Variants in CERS6 observed in about 807,000 individuals in gnomAD.
The protein encoded by CERS6 is LAG1 homolog, ceramide synthase 6.
A neutral mutation model predicts 56.8 loss-of-function variants in CERS6; 26 were observed. The ratio of observed to expected loss-of-function variants is 0.46; its 90% confidence interval spans 0.34 to 0.63. The LOEUF (loss-of-function observed/expected upper bound fraction) is 0.63. Ranked by LOEUF, CERS6 falls within the 30% of genes least tolerant of loss-of-function variation. The probability of loss-of-function intolerance (pLI) is 0.01; values close to 1 mark genes in which losing one functional copy is unlikely to be tolerated. For missense variants in CERS6, 415 were observed against 467.5 expected (o/e 0.89, Z 1.04); for synonymous variants, 164 against 173.3 (o/e 0.95, Z 0.42).
intron 1 of CERS6, among the ~76,000 whole-genome samples, chr2:168,501,218 C>A (rs1450753455): frequency 6.6e-6 from 1 of 152,116 alleles, no homozygotes; most frequent in Non-Finnish European, 1.5e-5. Context: ...GCATCAATAT[C>A]CATGATTCAG....
At chr2:168,507,142 T>A (rs1694692972) in intron 1 of CERS6, among the ~76,000 whole-genome samples, 1 of 152,192 alleles carries the variant, frequency 6.6e-6, no homozygotes, top group Admixed American at 6.5e-5. Context: ...AGTGCTTCAG[T>A]ATGCTTTTTT....
intron 3 of CERS6, among the ~76,000 whole-genome samples, chr2:168,596,158 G>A (rs916408400): frequency 6.6e-6 from 1 of 152,008 alleles, no homozygotes; most frequent in Non-Finnish European, 1.5e-5. Flanking sequence ...AAATGTTTAT[G>A]CATCTGGCTA....
intron 4 of CERS6, among the ~76,000 whole-genome samples, chr2:168,680,951 A>G (rs1018860519): frequency 6.6e-6 from 1 of 152,226 alleles, no homozygotes; most frequent in Non-Finnish European, 1.5e-5. Context: ...CTGCTGTAGC[A>G]TGTAATGTAA....
At chr2:168,740,568 A>G (rs1183747765) in intron 8 of CERS6, among the ~76,000 whole-genome samples, 1 of 152,164 alleles carries the variant, frequency 6.6e-6, no homozygotes, top group Non-Finnish European at 1.5e-5. Context: ...ACCTTTTCTG[A>G]GGGTCAGGCA....
chr2:168,484,096 A>G (rs1403548916), intron 1 of CERS6, among the ~76,000 whole-genome samples: 4 of 150,930 alleles, frequency 2.7e-5, no homozygotes, highest in African/African-American at 9.8e-5. Context: ...GAAGTTCTAC[A>G]TGTCACTGAA....
Position 168,770,611 on chromosome 2 carries a change from T to G in CERS6, c.*949T>G, listed in dbSNP as rs1445286521. ...TTATAAAAGAAAGAAGTTAACTATA[T>G]TTGGGGACAAAAAAATATTTCAAGA... On this transcript the variant is annotated 3_prime_UTR_variant, in exon 10 of 10. Transcript: ENST00000305747. 1.3e-5 allele frequency: 2 copies of G among 152,434 alleles called. No homozygotes were observed. Among genetic ancestry groups the G allele is most frequent in the Non-Finnish European group, 2.9e-5 (2 of 68,032 alleles). 9.4% of individuals were successfully genotyped at this position (152,434 alleles called of 1,614,324 possible). A position where few individuals can be genotyped will look rare whatever the true frequency, so the allele number is the denominator to read the frequency against.
chr2:168,571,325 C>G (rs562472945), intron 3 of CERS6, among the ~76,000 whole-genome samples: 5 of 152,088 alleles, frequency 3.3e-5, no homozygotes, highest in African/African-American at 1.2e-4. Context: ...CACATCCTGG[C>G]AAGGATTAAA....
At chr2:168,721,620 T>TA (rs537701230) in intron 8 of CERS6, among the ~76,000 whole-genome samples, 8,070 of 129,548 alleles carry the variant, frequency 0.062, 305 homozygotes, top group East Asian at 0.14. Context: ...TGGTAGTGTT[T>TA]AAAAAAAAAA....
chr2:168,768,169 G>A, intron 9 of CERS6, among the ~76,000 whole-genome samples: 1 of 151,904 alleles, frequency 6.6e-6, no homozygotes, highest in Non-Finnish European at 1.5e-5. Context: ...ATGTGACTTA[G>A]TGAGATTGAA....
intron 4 of CERS6, among the ~76,000 whole-genome samples, chr2:168,653,688 C>T (rs1301510294): frequency 1.3e-5 from 2 of 152,186 alleles, no homozygotes. Context: ...TCTAGGACAT[C>T]TCTTGTATGG....
chr2:168,604,628 T>C lies in CERS6; in HGVS notation c.408-26357T>C, dbSNP rs933568534. On this transcript the variant is annotated intron_variant, in intron 3 of 9. Transcript: ENST00000305747. ...GTTTAACATCATCCCTCCTTGGTAC[T>C]GTCATTGCTACAGTGAGTTCTCATG... Among the ~76,000 whole-genome samples, 3 of 152,188 alleles carry C rather than the reference T, an allele frequency of 2.0e-5. 1 individual carries two copies. The highest frequency in any genetic ancestry group is 4.8e-5 in the African/African-American group (2 of 41,442).
chr2:168,640,288 A>G (rs1460268702), intron 4 of CERS6, among the ~76,000 whole-genome samples: 1 of 152,224 alleles, frequency 6.6e-6, no homozygotes, highest in Non-Finnish European at 1.5e-5. Flanking sequence ...TATAGCTGCC[A>G]TACAAAGCAG....
At chr2:168,565,278 A>T (rs1416735268) in intron 3 of CERS6, among the ~76,000 whole-genome samples, 1 of 152,216 alleles carries the variant, frequency 6.6e-6, no homozygotes, top group Non-Finnish European at 1.5e-5. Flanking sequence ...TTTCGCAATC[A>T]CCTAGTGATG....
intron 1 of CERS6, among the ~76,000 whole-genome samples, chr2:168,500,151 G>A (rs1228289375): frequency 2.0e-5 from 3 of 152,170 alleles, no homozygotes; most frequent in Non-Finnish European, 4.4e-5. Context: ...TCTCTCACAA[G>A]CTTTCCAAAA....
intron 3 of CERS6, among the ~76,000 whole-genome samples, chr2:168,574,807 C>T (rs1372141366): frequency 3.9e-5 from 6 of 152,222 alleles, no homozygotes; most frequent in South Asian, 4.2e-4. Flanking sequence ...TGCCTTTTAT[C>T]GGGGCTTTGT....
intron 1 of CERS6, among the ~76,000 whole-genome samples, chr2:168,476,397 T>C (rs959606543): frequency 6.6e-6 from 1 of 152,186 alleles, no homozygotes; most frequent in East Asian, 1.9e-4. Flanking sequence ...TCTGGAATAT[T>C]TTCTATGCAT....
intron 1 of CERS6, among the ~76,000 whole-genome samples, chr2:168,494,286 G>C (rs1426811611): frequency 2.6e-5 from 4 of 152,114 alleles, no homozygotes; most frequent in Non-Finnish European, 5.9e-5. Context: ...TTAGCTCTGT[G>C]CCTTTTATAG....
intron 8 of CERS6, among the ~76,000 whole-genome samples, chr2:168,744,758 G>A (rs1267234111): frequency 6.6e-6 from 1 of 152,154 alleles, no homozygotes; most frequent in Non-Finnish European, 1.5e-5. Context: ...ACTGAGAGCA[G>A]GAATGGATCA....
intron 3 of CERS6, among the ~76,000 whole-genome samples, chr2:168,570,849 T>G (rs562634134): frequency 1.3e-5 from 2 of 152,252 alleles, no homozygotes; most frequent in South Asian, 2.1e-4. Flanking sequence ...GAGGGGATGT[T>G]TGTCTAATGT....
Sources: allele counts gnomAD v4.1 joint callset (sites outside exome capture counted in the v4.1 genomes callset), GRCh38; gene constraint gnomAD v4.1.1; transcripts MANE v1.5; gene names NCBI Gene and HGNC (gene_info 2026-07-23, HGNC 2026-07-21).